The following MEMO1 variants were observed in gnomAD, a reference collection of about 807,000 sequenced individuals.
MEMO1 encodes protein MEMO1.
In MEMO1, 6 loss-of-function variants were observed where a neutral mutation model predicts 45.2. The ratio of observed to expected loss-of-function variants is 0.13; its 90% CI spans 0.07 to 0.26. The LOEUF (loss-of-function observed/expected upper bound fraction) is 0.26. MEMO1 is among the 10% of genes least tolerant of loss of function. The pLI is 1.00. For synonymous variants in MEMO1, 78 were observed against 124.3 expected (o/e 0.63, Z 2.48); for missense variants, 184 against 370.5 (o/e 0.50, Z 4.13).
chr2:31,919,845 T>C (rs1254728796), intron 5 of MEMO1, among the ~76,000 whole-genome samples: 1 of 151,688 alleles, frequency 6.6e-6, no homozygotes, highest in Non-Finnish European at 1.5e-5. Context: ...TATATATATG[T>C]GTGTGTCGGG....
chr2:31,869,594 G>C (rs1673365876), intron 9 of MEMO1, among the ~76,000 whole-genome samples: 1 of 152,062 alleles, frequency 6.6e-6, no homozygotes, highest in African/African-American at 2.4e-5. Flanking sequence ...TTGGAACTAA[G>C]AGTCAAGAGA....
At chr2:31,923,884 G>A in intron 4 of MEMO1, 1 of 1,015,294 alleles carries the variant, frequency 9.8e-7, no homozygotes, top group Non-Finnish European at 1.4e-6. Context: ...TCTGCTGGAA[G>A]CCTAATTAAC....
At chr2:31,923,365 T>C (rs150255912) in intron 4 of MEMO1, among the ~76,000 whole-genome samples, 2 of 152,182 alleles carry the variant, frequency 1.3e-5, no homozygotes, top group African/African-American at 4.8e-5. Context: ...AGAATCTTTC[T>C]ACCTCTCTTC....
At chr2:31,996,319 G>A (rs546071819) in intron 2 of MEMO1, among the ~76,000 whole-genome samples, 333 of 152,138 alleles carry the variant, frequency 2.2e-3, no homozygotes, top group Admixed American at 4.0e-3. Flanking sequence ...AGGCCAAGGC[G>A]GGCGGATCAC....
intron 6 of MEMO1, 27 bp from the exon 7 acceptor site, chr2:31,892,161 T>C: frequency 2.0e-6 from 3 of 1,505,000 alleles, no homozygotes; most frequent in South Asian, 1.2e-5. Flanking sequence ...AAAAAAAAAA[T>C]GTCATTTAAG....
At chr2:31,920,729 A>C (rs902745831) in intron 5 of MEMO1, 69 bp downstream of exon 5, 1 of 856,948 alleles carries the variant, frequency 1.2e-6, no homozygotes, top group Non-Finnish European at 1.7e-6. Context: ...ATAAGTTTTT[A>C]AATTAATTTA....
chr2:31,993,749 G>A (rs1158672755), intron 2 of MEMO1, among the ~76,000 whole-genome samples: 1 of 152,120 alleles, frequency 6.6e-6, no homozygotes, highest in African/African-American at 2.4e-5. Flanking sequence ...ACCAGTCTGA[G>A]TGGAGATACC....
chr2:31,961,247 A>G (rs1397612608), intron 2 of MEMO1, among the ~76,000 whole-genome samples: 1 of 152,056 alleles, frequency 6.6e-6, no homozygotes, highest in African/African-American at 2.4e-5. Context: ...AATCTCAGCT[A>G]CTCAGGAGGC....
Position 32,002,673 on chromosome 2 carries a change from G to T in MEMO1, c.61+7514C>A, listed in dbSNP as rs551632283. Among the ~76,000 whole-genome samples, 43 of 152,026 alleles carry T rather than the reference G, an allele frequency of 2.8e-4. 2 individuals carry two copies. In the East Asian group the frequency reaches 7.7e-3, roughly 27 times the overall value. ...AATGGAGATAATACCTACCTTGGAG[G>T]GTCCTTTTGAAGATTAGGGATTATA... On this transcript the variant is annotated intron_variant, in intron 2 of 9. Transcript: ENST00000404530.
chr2:31,898,780 T>C (rs1476419556), intron 6 of MEMO1, among the ~76,000 whole-genome samples: 1 of 152,192 alleles, frequency 6.6e-6, no homozygotes, highest in Non-Finnish European at 1.5e-5. Context: ...TAATTTTCTG[T>C]CTCACTGATC....
At chr2:31,921,255 C>A (rs1007000325) in intron 4 of MEMO1, among the ~76,000 whole-genome samples, 1 of 152,136 alleles carries the variant, frequency 6.6e-6, no homozygotes, top group Non-Finnish European at 1.5e-5. Flanking sequence ...AGGGGCCCAA[C>A]CCTGACAGAA....
intron 2 of MEMO1, among the ~76,000 whole-genome samples, chr2:31,955,166 G>A (rs974526278): frequency 6.6e-6 from 1 of 151,716 alleles, no homozygotes; most frequent in African/African-American, 2.4e-5. Flanking sequence ...GAGTCCAGGA[G>A]GTCAAATCTG....
At chr2:31,902,111 T>C (rs1678929548) in intron 6 of MEMO1, among the ~76,000 whole-genome samples, 1 of 151,886 alleles carries the variant, frequency 6.6e-6, no homozygotes, top group South Asian at 2.1e-4. Context: ...GCAAGACCCC[T>C]AATCTTAAAA....
chr2:31,910,668 T>C (rs1245602830), intron 6 of MEMO1, among the ~76,000 whole-genome samples: 1 of 152,106 alleles, frequency 6.6e-6, no homozygotes, highest in Non-Finnish European at 1.5e-5. Flanking sequence ...AAGACCAGCC[T>C]GGGCAGGATA....
chr2:31,950,165 G>A (rs1666670382), intron 2 of MEMO1, among the ~76,000 whole-genome samples: 1 of 152,102 alleles, frequency 6.6e-6, no homozygotes, highest in Admixed American at 6.6e-5. Flanking sequence ...TGGATCACCT[G>A]AGGTCAGGAG....
intron 6 of MEMO1, among the ~76,000 whole-genome samples, chr2:31,915,602 G>A (rs1364574295): frequency 6.6e-6 from 1 of 151,806 alleles, no homozygotes; most frequent in Non-Finnish European, 1.5e-5. Context: ...TTCTTCTAGA[G>A]AGTAGCAAAA....
At chr2:31,869,372 T>G (rs1673328454) in intron 9 of MEMO1, among the ~76,000 whole-genome samples, 1 of 152,166 alleles carries the variant, frequency 6.6e-6, no homozygotes, top group Non-Finnish European at 1.5e-5. Flanking sequence ...TTCTGACTCT[T>G]ACCATTCCTT....
chr2:31,883,352 T>G (rs762395555), intron 8 of MEMO1, 34 bp downstream of exon 8: 1 of 1,392,842 alleles, frequency 7.2e-7, no homozygotes, highest in Non-Finnish European at 9.9e-7. Context: ...GAAAAAGCCT[T>G]AGAGCATTAA....
At chr2:32,000,233 A>C (rs904973749) in intron 2 of MEMO1, among the ~76,000 whole-genome samples, 1 of 139,396 alleles carries the variant, frequency 7.2e-6, no homozygotes, top group African/African-American at 2.6e-5. Context: ...CTTTTTACTT[A>C]TTTTTTTTTT....
Sources: gnomAD v4.1 joint callset for allele counts (sites outside exome capture counted in the v4.1 genomes callset) on GRCh38, gnomAD v4.1.1 for gene constraint, MANE v1.5 for transcripts, NCBI Gene and HGNC (gene_info 2026-07-23, HGNC 2026-07-21) for gene names.